Variants in LCMT1 observed in about 807,000 individuals in gnomAD.
LCMT1 encodes leucine carboxyl methyltransferase 1, also known as [Phosphatase 2A protein]-leucine-carboxy methyltransferase 1.
LCMT1 carries 32 observed loss-of-function variants against 47.7 expected under a neutral mutation model. The observed-to-expected ratio is 0.67, with a 90% confidence interval of 0.51 to 0.90. The LOEUF is 0.90. Among genes scored for constraint, LCMT1 ranks in the 40% least tolerant of loss-of-function variants. The pLI, the probability that LCMT1 is intolerant of heterozygous loss-of-function variation, is 0.00. For synonymous variants in LCMT1, 152 were observed against 149.7 expected, an observed-to-expected ratio of 1.02 and a Z score of -0.11; for missense variants, 375 against 415.2, an observed-to-expected ratio of 0.90 and a Z score of 0.84.
intron 2 of LCMT1, among the ~76,000 whole-genome samples, chr16:25,128,824 C>T (rs571858067): frequency 3.4e-5 from 5 of 149,024 alleles, no homozygotes; most frequent in African/African-American, 1.2e-4. Context: ...AACCAAACAC[C>T]GCATGTTCTC....
chr16:25,151,798 C>T lies in LCMT1; in HGVS notation c.466+183C>T, dbSNP rs61545721. On this transcript the variant is annotated intron_variant, in intron 5 of 10. Coordinates refer to ENST00000399069, the MANE Select transcript of LCMT1 (RefSeq NM_016309.3). ...GGAAAGGAGAGCTTGCTTTCTCAGA[C>T]AGGGTTGAGCCTGCAGGGTGGCCAT... Among the ~76,000 whole-genome samples, 406 of 151,830 alleles carry T rather than the reference C, an allele frequency of 2.7e-3. 3 individuals are homozygous for T. Among genetic ancestry groups the T allele is most frequent in the Admixed American group, 4.1e-3 (62 of 15,236 alleles).
Position 25,175,204 on chromosome 16 carries a change from C to A in LCMT1, c.982+170C>A, listed in dbSNP as rs117764208. 7.0e-3 allele frequency among the ~76,000 whole-genome samples: 1,067 copies of A among 152,190 alleles called. 48 individuals are homozygous for A. In the East Asian group the frequency reaches 0.13, roughly 19 times the overall value. On this transcript the variant is annotated intron_variant, in intron 10 of 10. Transcript: ENST00000399069. ...TCACCCAGGCTAGAGTGCAGTGGCA[C>A]GGTCATAGCTCATTGCAGCCTTCAA...
At chr16:25,128,057 G>T (rs1317817589) in intron 1 of LCMT1, among the ~76,000 whole-genome samples, 1 of 152,202 alleles carries the variant, frequency 6.6e-6, no homozygotes, top group East Asian at 1.9e-4. Context: ...CATGCTGTTT[G>T]TCAAGTGTTT....
intron 1 of LCMT1, among the ~76,000 whole-genome samples, chr16:25,125,223 T>C (rs1597564051): frequency 6.6e-6 from 1 of 152,250 alleles, no homozygotes; most frequent in East Asian, 1.9e-4. Flanking sequence ...TGGTGTCTGC[T>C]GTGGGCAGCC....
chr16:25,150,977 T>C (rs1961061460), intron 4 of LCMT1, among the ~76,000 whole-genome samples: 1 of 152,190 alleles, frequency 6.6e-6, no homozygotes, highest in Non-Finnish European at 1.5e-5. Context: ...GGCTCTAGGT[T>C]AAGTCCAGAG....
chr16:25,157,770 T>TAATC (rs963498610), intron 5 of LCMT1, among the ~76,000 whole-genome samples: 3 of 152,326 alleles, frequency 2.0e-5, no homozygotes, highest in African/African-American at 7.2e-5. Context: ...TGCCTGGATT[T>TAATC]AATCACTTGT....
intron 1 of LCMT1, among the ~76,000 whole-genome samples, chr16:25,114,779 T>G (rs1284270485): frequency 1.3e-5 from 2 of 152,180 alleles, no homozygotes; most frequent in East Asian, 3.9e-4. Context: ...TCTCATGCCC[T>G]GTGTATCTCA....
chr16:25,120,641 C>G (rs1385515721), intron 1 of LCMT1, among the ~76,000 whole-genome samples: 1 of 151,400 alleles, frequency 6.6e-6, no homozygotes, highest in African/African-American at 2.4e-5. Flanking sequence ...TGTAGCCAGT[C>G]TGTTCTCGAA....
At chr16:25,152,846 A>G (rs1359058843) in intron 5 of LCMT1, among the ~76,000 whole-genome samples, 1 of 152,056 alleles carries the variant, frequency 6.6e-6, no homozygotes, top group African/African-American at 2.4e-5. Flanking sequence ...TTTAATTATG[A>G]CTGTGTCTTA....
At chr16:25,150,432 C>T (rs1170266005) in intron 4 of LCMT1, among the ~76,000 whole-genome samples, 1 of 150,648 alleles carries the variant, frequency 6.6e-6, no homozygotes, top group Non-Finnish European at 1.5e-5. Context: ...GCAACCTCCG[C>T]CTCCTAGGTG....
intron 4 of LCMT1, chr16:25,146,306 G>A (rs561703611): frequency 1.5e-4 from 23 of 152,620 alleles, no homozygotes; most frequent in African/African-American, 5.3e-4. Context: ...GTGTGCTGCA[G>A]TCAGAGCCAG....
intron 7 of LCMT1, among the ~76,000 whole-genome samples, chr16:25,167,367 G>GA (rs1961618305): frequency 6.6e-6 from 1 of 151,802 alleles, no homozygotes; most frequent in Non-Finnish European, 1.5e-5. Flanking sequence ...GCCCAGGCTG[G>GA]AGTACAGTGG....
chr16:25,161,150 T>C lies in LCMT1; in HGVS notation c.515T>C (p.Leu172Pro). 1 of 1,611,290 alleles carries C rather than the reference T, an allele frequency of 6.2e-7. No individual in the cohort carries two copies. The highest frequency in any genetic ancestry group is 8.5e-7 in the Non-Finnish European group (1 of 1,178,894). The change falls in exon 6 of 11, where the codon CTC (leucine) becomes CCC (proline). Residue 172 changes from leucine (L) to proline (P), a missense_variant. Leu to Pro is a moderately conservative substitution (Grantham distance 98). Transcript: ENST00000399069. ...AGATATGCCGTTATTGGAGCAGATC[T>C]CCGAGACCTGTCTGAACTGGAAGAG... ...SKRYAVIGAD[L>P]RDLSELEEKL...
intron 1 of LCMT1, among the ~76,000 whole-genome samples, chr16:25,125,097 C>A (rs1960121900): frequency 6.6e-6 from 1 of 152,088 alleles, no homozygotes; most frequent in Admixed American, 6.6e-5. Context: ...TCAGGATATA[C>A]AAATAGAAGT....
At chr16:25,121,148 C>G (rs981627301) in intron 1 of LCMT1, among the ~76,000 whole-genome samples, 1 of 151,776 alleles carries the variant, frequency 6.6e-6, no homozygotes, top group African/African-American at 2.4e-5. Flanking sequence ...TCAATTTTGG[C>G]CAGGCGTGGT....
At chr16:25,135,637 C>T (rs1239853365) in intron 3 of LCMT1, among the ~76,000 whole-genome samples, 1 of 152,006 alleles carries the variant, frequency 6.6e-6, no homozygotes, top group Non-Finnish European at 1.5e-5. Context: ...ACCTTCCAGC[C>T]GGAATGGTTC....
At chr16:25,155,563 G>C (rs894878014) in intron 5 of LCMT1, among the ~76,000 whole-genome samples, 1 of 152,096 alleles carries the variant, frequency 6.6e-6, no homozygotes, top group Non-Finnish European at 1.5e-5. Flanking sequence ...GAGTGAAAAA[G>C]GGAAATTGGG....
chr16:25,152,905 A>G (rs1961124804), intron 5 of LCMT1, among the ~76,000 whole-genome samples: 1 of 152,088 alleles, frequency 6.6e-6, no homozygotes, highest in Non-Finnish European at 1.5e-5. Context: ...GTCAGTCTCT[A>G]CCACAGTCTT....
intron 10 of LCMT1, among the ~76,000 whole-genome samples, chr16:25,176,555 T>A (rs1460249897): frequency 1.4e-4 from 2 of 13,968 alleles, no homozygotes; most frequent in Non-Finnish European, 3.7e-4. Context: ...TTTGGCTTTT[T>A]TTTTTTTTTT....
Sources: allele counts gnomAD v4.1 joint callset (sites outside exome capture counted in the v4.1 genomes callset), GRCh38; gene constraint gnomAD v4.1.1; transcripts MANE v1.5; gene names NCBI Gene and HGNC (gene_info 2026-07-23, HGNC 2026-07-21).